The following TOGARAM2 variants were observed in gnomAD, a reference collection of about 807,000 sequenced individuals.
TOGARAM2 encodes TOG array regulator of axonemal microtubules protein 2.
TOGARAM2 carries 85 observed loss-of-function variants against 93.3 expected under a neutral mutation model. That is an observed-to-expected ratio of 0.91 (90% CI 0.76 to 1.09). The LOEUF (loss-of-function observed/expected upper bound fraction) is 1.09, where lower values mean the gene tolerates loss of function less well. Ranked by LOEUF, TOGARAM2 falls within the 50% of genes least tolerant of loss-of-function variation. The pLI is 0.00. For missense variants in TOGARAM2, 1,277 were observed against 1,334.5 expected, an observed-to-expected ratio of 0.96 and a Z score of 0.67; for synonymous variants, 593 against 552.8, an observed-to-expected ratio of 1.07 and a Z score of -1.02.
chr2:28,966,288 T>G (rs569326131), intron 1 of TOGARAM2, among the ~76,000 whole-genome samples: 1 of 151,974 alleles, frequency 6.6e-6, no homozygotes, highest in East Asian at 1.9e-4. Flanking sequence ...TATTTAATTT[T>G]TTTCCTTTTT....
chr2:28,974,007 G>A (rs190081195), intron 1 of TOGARAM2, among the ~76,000 whole-genome samples: 1 of 152,182 alleles, frequency 6.6e-6, no homozygotes, highest in East Asian at 1.9e-4. Context: ...CATGCTTTCT[G>A]ATGAGAAATC....
chr2:29,001,405 C>T (rs11685126), intron 4 of TOGARAM2, among the ~76,000 whole-genome samples: 2 of 151,420 alleles, frequency 1.3e-5, no homozygotes, highest in South Asian at 2.1e-4. Flanking sequence ...TGCAGTGGTG[C>T]GATTTTGGCT....
chr2:29,006,415 TG>T (rs1663870626), intron 6 of TOGARAM2, among the ~76,000 whole-genome samples: 2 of 66,410 alleles, frequency 3.0e-5, no homozygotes, highest in Admixed American at 3.3e-4. Flanking sequence ...TGTGTGTTCA[TG>T]TGTATCTGTG....
In TOGARAM2 at chr2:29,024,269, A is replaced by G; in HGVS notation, c.1748A>G (p.Asp583Gly). The change falls in exon 13 of 20, where the codon GAC becomes GGC. Residue 583 changes from aspartate to glycine, a missense_variant. Asp to Gly is a moderately conservative substitution (Grantham distance 94). Coordinates refer to ENST00000379558, the MANE Select transcript of TOGARAM2 (RefSeq NM_199280.4). ...CGCTGCTTGCTGCAGAAGATGGCGG[A>G]CACCAACGAGTTCATCCAGAGAGCA... is the stretch of plus-strand genomic sequence containing the variant. The part of the protein sequence containing the change: ...IARCLLQKMA[D>G]TNEFIQRAAG... 1 of 1,613,214 alleles carries G rather than the reference A, an allele frequency of 6.2e-7. No individual in the cohort carries two copies. Among genetic ancestry groups the G allele is most frequent in the Non-Finnish European group, 8.5e-7 (1 of 1,179,572 alleles).
At chr2:29,036,827 G>T in intron 18 of TOGARAM2, 70 bp downstream of exon 18, 3 of 1,467,842 alleles carry the variant, frequency 2.0e-6, no homozygotes, top group Non-Finnish European at 9.3e-7. Flanking sequence ...AATCTGCAAG[G>T]TGGATAAGGC....
intron 13 of TOGARAM2, among the ~76,000 whole-genome samples, chr2:29,026,269 C>T (rs968746860): frequency 4.6e-5 from 7 of 152,074 alleles, no homozygotes; most frequent in Admixed American, 3.3e-4. Context: ...TCACTCTTTT[C>T]GTCATTATGG....
upstream of TOGARAM2, among the ~76,000 whole-genome samples, chr2:28,980,338 T>C (rs1457729526): frequency 2.0e-5 from 3 of 152,212 alleles, no homozygotes; most frequent in African/African-American, 7.2e-5. Context: ...CTACCCCGTG[T>C]GCAAGCATTT....
At position 29,002,615 on chromosome 2, in the gene TOGARAM2, G is replaced by T; in HGVS notation, c.507G>T (p.Leu169=). The change falls in exon 5 of 20, where the codon CTG becomes CTT. Residue 169 remains leucine (L), a synonymous_variant. Transcript: ENST00000379558. ...CCCGAGCCACCTCTCAGAGGCTGCT[G>T]AGGGTGCCCAGGCCGATGCCTCTCA... ...TIPRATSQRL[L]RVPRPMPLIQ... 1.2e-6 allele frequency: 2 copies of T among 1,613,940 alleles called. No homozygotes were observed. Among genetic ancestry groups the T allele is most frequent in the Non-Finnish European group, 1.7e-6 (2 of 1,179,872 alleles).
intron 1 of TOGARAM2, among the ~76,000 whole-genome samples, chr2:28,993,912 G>A (rs1171194558): frequency 1.3e-5 from 2 of 152,236 alleles, no homozygotes; most frequent in East Asian, 3.8e-4. Flanking sequence ...CTTTGTGGAC[G>A]AGAACTCCTC....
Position 29,010,516 on chromosome 2 carries a change from G to T in TOGARAM2, c.831-939G>T, listed in dbSNP as rs559900417. 9.9e-5 allele frequency among the ~76,000 whole-genome samples: 15 copies of T among 152,208 alleles called. No homozygotes were observed. In the South Asian group the frequency reaches 3.1e-3, roughly 32 times the overall value. ...AAGGATCAGGGTTCCCCTGCATCCAGGCAGGCACTGAGGGGGGCTGTCCTA... is the reference window on the plus strand; with the variant it reads ...AAGGATCAGGGTTCCCCTGCATCCATGCAGGCACTGAGGGGGGCTGTCCTA... On this transcript the variant is annotated intron_variant, in intron 6 of 19. Transcript: ENST00000379558.
At chr2:29,003,146 C>A (rs958335259) in intron 5 of TOGARAM2, among the ~76,000 whole-genome samples, 1 of 152,188 alleles carries the variant, frequency 6.6e-6, no homozygotes, top group East Asian at 1.9e-4. Flanking sequence ...TTTCTGTTTG[C>A]CCCTCACTGG....
chr2:29,029,871 T>C (rs1272428930), intron 14 of TOGARAM2, among the ~76,000 whole-genome samples: 1 of 151,376 alleles, frequency 6.6e-6, no homozygotes, highest in Non-Finnish European at 1.5e-5. Context: ...GGGTGATGGG[T>C]GCACCAAAAT....
chr2:29,035,321 A>T (rs940524245), intron 16 of TOGARAM2, 143 bp from the exon 17 acceptor site: 3 of 613,206 alleles, frequency 4.9e-6, no homozygotes, highest in African/African-American at 1.9e-5. Flanking sequence ...CTGTAGGTGG[A>T]GGGGAAGCTG....
In TOGARAM2 at chr2:29,006,191, A is replaced by G. The variant is rs537542373; in HGVS notation, c.830+2509A>G. ...AGCATGTGTGACCACATGTGTGTGC[A>G]TGTGTGTGAGTGCATGTGTTTGTGT... On this transcript the variant is annotated intron_variant, in intron 6 of 19. Coordinates refer to ENST00000379558, the MANE Select transcript of TOGARAM2 (RefSeq NM_199280.4). Among the ~76,000 whole-genome samples, 183 of 142,818 alleles carry G rather than the reference A, an allele frequency of 1.3e-3. 1 individual carries two copies. Among genetic ancestry groups the G allele is most frequent in the South Asian group, 6.0e-3 (27 of 4,488 alleles). 93.7% of individuals were successfully genotyped at this position (142,818 alleles called of 152,430 possible).
At chr2:29,036,901 G>A in intron 18 of TOGARAM2, 144 bp downstream of exon 18, 2 of 768,826 alleles carry the variant, frequency 2.6e-6, no homozygotes, top group Admixed American at 2.5e-5. Context: ...GGAGCCCAGG[G>A]CCTCCAAGGC....
chr2:29,010,326 G>A (rs1664162455), intron 6 of TOGARAM2, among the ~76,000 whole-genome samples: 1 of 152,146 alleles, frequency 6.6e-6, no homozygotes, highest in Non-Finnish European at 1.5e-5. Context: ...GGTCAGGGGT[G>A]CCCTGGAGCA....
chr2:28,958,564 A>G (rs1671757922), intron 1 of TOGARAM2, among the ~76,000 whole-genome samples: 1 of 152,112 alleles, frequency 6.6e-6, no homozygotes, highest in Non-Finnish European at 1.5e-5. Flanking sequence ...GGCCTCCCCA[A>G]ATGCTGGGAT....
chr2:28,986,410 A>C (rs1262016606), intron 1 of TOGARAM2, among the ~76,000 whole-genome samples: 1 of 152,168 alleles, frequency 6.6e-6, no homozygotes, highest in East Asian at 1.9e-4. Flanking sequence ...ATGGATGGCC[A>C]CATTCCTCGG....
At chr2:29,002,092 A>G (rs907958427) in intron 4 of TOGARAM2, among the ~76,000 whole-genome samples, 20 of 152,280 alleles carry the variant, frequency 1.3e-4, no homozygotes, top group Admixed American at 1.2e-3. Context: ...TACGCCCCAC[A>G]TCACCAGCCG....
Sources: gnomAD v4.1 joint callset for allele counts (sites outside exome capture counted in the v4.1 genomes callset) on GRCh38, gnomAD v4.1.1 for gene constraint, MANE v1.5 for transcripts, NCBI Gene and HGNC (gene_info 2026-07-23, HGNC 2026-07-21) for gene names.